METAP2: variants seen among roughly 807,000 people sequenced by gnomAD.
METAP2 encodes methionyl aminopeptidase 2.
Under a neutral mutation model 59.4 loss-of-function variants are expected in METAP2, and 25 were observed. The observed-to-expected ratio is 0.42, with a 90% CI of 0.31 to 0.59. The LOEUF is 0.59. Ranked by LOEUF, METAP2 falls within the 20% of genes least tolerant of loss-of-function variation. The probability of loss-of-function intolerance (pLI) is 0.16; values close to 1 mark genes in which losing one functional copy is unlikely to be tolerated. For missense variants in METAP2, 366 were observed against 581.2 expected (o/e 0.63, Z 3.81); for synonymous variants, 214 against 194.1 (o/e 1.10, Z -0.85).
At chr12:95,505,805 A>G (rs1459227888) in intron 8 of METAP2, among the ~76,000 whole-genome samples, 1 of 149,588 alleles carries the variant, frequency 6.7e-6, no homozygotes, top group Non-Finnish European at 1.5e-5. Flanking sequence ...CTTTTTTTAG[A>G]CAGAGTCTGC....
intron 7 of METAP2, among the ~76,000 whole-genome samples, chr12:95,498,721 A>G (rs2076293931): frequency 6.6e-6 from 1 of 152,188 alleles, no homozygotes; most frequent in Admixed American, 6.5e-5. Flanking sequence ...ACCCTTGTCA[A>G]AGCTCATCTG....
At chr12:95,495,922 C>G in intron 6 of METAP2, 82 bp from the exon 7 acceptor site, 1 of 817,128 alleles carries the variant, frequency 1.2e-6, no homozygotes, top group Non-Finnish European at 1.9e-6. Flanking sequence ...GTTAAACTAG[C>G]AAGATTAATA....
chr12:95,482,020 T>C (rs1291929186), intron 2 of METAP2: 3 of 361,480 alleles, frequency 8.3e-6, no homozygotes, highest in Admixed American at 6.4e-5. Flanking sequence ...GTGCACGATA[T>C]GTGAATTAGA....
chr12:95,498,049 C>T (rs2076287979), intron 7 of METAP2, among the ~76,000 whole-genome samples: 1 of 151,016 alleles, frequency 6.6e-6, no homozygotes, highest in Admixed American at 6.6e-5. Context: ...AGGAGAATGG[C>T]GTGAACCTGG....
intron 2 of METAP2, among the ~76,000 whole-genome samples, chr12:95,481,418 C>A (rs879438207): frequency 6.6e-6 from 1 of 152,004 alleles, no homozygotes; most frequent in African/African-American, 2.4e-5. Context: ...CACAGAAAAA[C>A]CAAAAAAACC....
At chr12:95,490,383 A>C (rs1419578603) in intron 4 of METAP2, among the ~76,000 whole-genome samples, 1 of 148,830 alleles carries the variant, frequency 6.7e-6, no homozygotes, top group African/African-American at 2.5e-5. Context: ...AGAGGCATAC[A>C]TTGTCAATTT....
At chr12:95,511,820 G>T (rs998569406) in intron 8 of METAP2, 75 bp from the exon 9 acceptor site, 2 of 1,010,860 alleles carry the variant, frequency 2.0e-6, no homozygotes, top group African/African-American at 3.2e-5. Flanking sequence ...CTTGAACTCT[G>T]TACCAAAATG....
chr12:95,488,486 G>C (rs1169308578), intron 4 of METAP2, among the ~76,000 whole-genome samples: 1 of 134,110 alleles, frequency 7.5e-6, no homozygotes, highest in Non-Finnish European at 1.5e-5. Flanking sequence ...TACACCCTGG[G>C]TGACAGAGCG....
chr12:95,480,270 C>G (rs573993528), intron 2 of METAP2, among the ~76,000 whole-genome samples: 6 of 152,154 alleles, frequency 3.9e-5, no homozygotes, highest in Non-Finnish European at 8.8e-5. Context: ...TATGTTTTAC[C>G]CTTTTACATT....
At chr12:95,510,085 C>T (rs2076391330) in intron 8 of METAP2, among the ~76,000 whole-genome samples, 1 of 152,290 alleles carries the variant, frequency 6.6e-6, no homozygotes, top group East Asian at 1.9e-4. Context: ...CATCCACCTG[C>T]CTTGGCCTCC....
intron 8 of METAP2, among the ~76,000 whole-genome samples, chr12:95,508,521 T>C (rs1311560162): frequency 6.6e-6 from 1 of 152,242 alleles, no homozygotes; most frequent in East Asian, 1.9e-4. Context: ...TCGTGAGTCT[T>C]ATGTCAACTT....
intron 4 of METAP2, among the ~76,000 whole-genome samples, chr12:95,486,651 C>T (rs1375961600): frequency 6.6e-6 from 1 of 152,046 alleles, no homozygotes; most frequent in Non-Finnish European, 1.5e-5. Flanking sequence ...GCATGCACCA[C>T]CATGCCTGGC....
intron 3 of METAP2, chr12:95,484,729 G>C (rs1423921010): frequency 1.0e-5 from 4 of 382,306 alleles, no homozygotes; most frequent in Non-Finnish European, 2.0e-5. Flanking sequence ...TTTCTGCTTA[G>C]TATCAAGGAT....
chr12:95,494,870 C>G, intron 5 of METAP2, 87 bp from the exon 6 acceptor site: 2 of 1,098,534 alleles, frequency 1.8e-6, no homozygotes, highest in South Asian at 4.1e-5. Context: ...TTTTAGTAAA[C>G]TTTCTGGACT....
intron 8 of METAP2, among the ~76,000 whole-genome samples, chr12:95,509,389 A>C (rs1314804360): frequency 1.3e-5 from 2 of 152,174 alleles, no homozygotes; most frequent in African/African-American, 4.8e-5. Flanking sequence ...GGAGGTAAGG[A>C]AGACAGAGGT....
chr12:95,474,191 G>A lies in METAP2; in HGVS notation c.12G>A (p.Val4=), dbSNP rs201594776. The change falls in exon 1 of 11, where the codon GTG becomes GTA. Residue 4 remains valine (V), a synonymous_variant. Transcript: ENST00000323666. The part of the protein sequence containing the change: MAG[V]EEVAASGSHL... ...CTCTCTCGGGCAACATGGCGGGTGT[G>A]GAGGAGGTAGCGGCCTCCGGGAGCC... The A allele has an allele frequency of 1.9e-6, 3 of 1,614,006 alleles. No individual in the cohort carries two copies. Among genetic ancestry groups the A allele is most frequent in the Non-Finnish European group, 2.5e-6 (3 of 1,179,908 alleles).
chr12:95,504,039 TA>T, intron 7 of METAP2, 25 bp from the exon 8 acceptor site: 1 of 1,563,920 alleles, frequency 6.4e-7, no homozygotes, highest in Non-Finnish European at 8.7e-7. Flanking sequence ...CTTTGAATAA[TA>T]AAGCATATGT....
chr12:95,513,533 C>A, intron 10 of METAP2, 119 bp from the exon 11 acceptor site: 1 of 1,137,394 alleles, frequency 8.8e-7, no homozygotes, highest in Non-Finnish European at 1.2e-6. Context: ...GAAAGAGCAA[C>A]AATAAAAGTT....
intron 2 of METAP2, chr12:95,482,042 C>T (rs551199089): frequency 1.8e-4 from 68 of 379,338 alleles, no homozygotes; most frequent in South Asian, 1.0e-3. Flanking sequence ...TATAATTTTT[C>T]GTGTGCCTTT....
Sources: gnomAD v4.1 joint callset for allele counts (sites outside exome capture counted in the v4.1 genomes callset) on GRCh38, gnomAD v4.1.1 for gene constraint, MANE v1.5 for transcripts, NCBI Gene and HGNC (gene_info 2026-07-23, HGNC 2026-07-21) for gene names.